The following ANKRD11 variants were observed in gnomAD, a reference collection of about 807,000 sequenced individuals.
ANKRD11 encodes ankyrin repeat domain 11.
ANKRD11 carries 17 observed loss-of-function variants against 195.7 expected under a neutral mutation model. The ratio of observed to expected loss-of-function variants is 0.09; its 90% confidence interval spans 0.06 to 0.13. The LOEUF (loss-of-function observed/expected upper bound fraction) is 0.13. Among genes scored for constraint, ANKRD11 ranks in the 10% least tolerant of loss-of-function variants. The probability of loss-of-function intolerance (pLI) is 1.00; values close to 1 mark genes in which losing one functional copy is unlikely to be tolerated. For missense variants in ANKRD11, 3,735 were observed against 3,566.1 expected (o/e 1.05, Z -1.21); for synonymous variants, 1,953 against 1,528.1 (o/e 1.28, Z -6.49).
chr16:89,369,196 T>A (rs558191241), intron 2 of ANKRD11, among the ~76,000 whole-genome samples: 1 of 152,104 alleles, frequency 6.6e-6, no homozygotes, highest in African/African-American at 2.4e-5. Context: ...AGAGAGAATA[T>A]GAAACAATAA....
chr16:89,404,261 C>T (rs1416380529), intron 2 of ANKRD11, among the ~76,000 whole-genome samples: 2 of 152,130 alleles, frequency 1.3e-5, no homozygotes, highest in Admixed American at 1.3e-4. Flanking sequence ...TCCTATCCAC[C>T]CTCACCAAGG....
intron 1 of ANKRD11, among the ~76,000 whole-genome samples, chr16:89,441,603 T>TGAA (rs2043482624): frequency 6.6e-6 from 1 of 151,246 alleles, no homozygotes; most frequent in Non-Finnish European, 1.5e-5. Context: ...CCACCTCTAC[T>TGAA]AAAAATACAA....
At chr16:89,467,167 C>A (rs2056914326) in intron 1 of ANKRD11, among the ~76,000 whole-genome samples, 1 of 152,044 alleles carries the variant, frequency 6.6e-6, no homozygotes, top group Admixed American at 6.6e-5. Context: ...AGCGGCGGCT[C>A]ATGTCTATAA....
rs574249920 is a variant in ANKRD11 at position 89,407,123 on chromosome 16, A to C, written c.-60+11161T>G. Among the ~76,000 whole-genome samples the C allele has an allele frequency of 5.9e-5, 9 of 151,986 alleles. No homozygotes were observed. In the East Asian group the frequency reaches 1.5e-3, roughly 26 times the overall value. On this transcript the variant is annotated intron_variant, in intron 2 of 12. Coordinates refer to ENST00000301030, the MANE Select transcript of ANKRD11 (RefSeq NM_013275.6). ...AGCCCAGGTACTCGGGAGGCGGAGG[A>C]GGCGGTGAGTTGAGACGTGCCACTG... is the stretch of plus-strand genomic sequence containing the variant.
intron 9 of ANKRD11, 79 bp from the exon 10 acceptor site, chr16:89,275,270 G>T (rs2033554078): frequency 4.6e-6 from 6 of 1,295,116 alleles, no homozygotes; most frequent in Non-Finnish European, 6.4e-6. Flanking sequence ...GTTCACGGGG[G>T]TCCCGACTCA....
At chr16:89,424,004 C>A (rs765182085) in intron 1 of ANKRD11, among the ~76,000 whole-genome samples, 6 of 151,904 alleles carry the variant, frequency 3.9e-5, no homozygotes, top group Non-Finnish European at 8.8e-5. Context: ...TAATGAAACT[C>A]AGGCGACCTC....
chr16:89,271,356 G>A (rs529925750), intron 11 of ANKRD11: 22 of 277,276 alleles, frequency 7.9e-5, no homozygotes, highest in Non-Finnish European at 1.4e-4. Context: ...TCCTGCTTCA[G>A]CCTTCCTGAG....
intron 1 of ANKRD11, among the ~76,000 whole-genome samples, chr16:89,455,635 G>T (rs1409640583): frequency 6.6e-6 from 1 of 152,016 alleles, no homozygotes; most frequent in Non-Finnish European, 1.5e-5. Context: ...AAAGCTGCTC[G>T]ATTTGGGCAG....
intron 1 of ANKRD11, among the ~76,000 whole-genome samples, chr16:89,469,625 G>A (rs544641486): frequency 2.4e-4 from 37 of 151,798 alleles, no homozygotes; most frequent in Admixed American, 2.0e-3. Flanking sequence ...TAGGCCAGGC[G>A]CGGTGGCTCA....
rs79440097 is a variant in ANKRD11, at chr16:89,319,645, C to T, written c.-59-2567G>A. Among the ~76,000 whole-genome samples, 3 of 152,354 alleles carry T rather than the reference C, an allele frequency of 2.0e-5. No individual in the cohort carries two copies. The East Asian group carries it at 5.8e-4, about 29-fold the overall frequency. ...CCCCGCCTCTCCATGAACCACCACC[C>T]TCATCACAGTCATGGAGATGGTGAC... On this transcript the variant is annotated intron_variant, in intron 2 of 12. Coordinates refer to ENST00000301030, the MANE Select transcript of ANKRD11 (RefSeq NM_013275.6).
chr16:89,318,439 T>C (rs1001520539), intron 2 of ANKRD11, among the ~76,000 whole-genome samples: 1 of 152,250 alleles, frequency 6.6e-6, no homozygotes, highest in Non-Finnish European at 1.5e-5. Context: ...CTCTGCCCTT[T>C]CCGCCACAGC....
chr16:89,285,894 G>T lies in ANKRD11; in HGVS notation c.892+145C>A. 7.7e-7 allele frequency: 1 copy of T among 1,294,968 alleles called. No homozygotes were observed. Among genetic ancestry groups the T allele is most frequent in the Non-Finnish European group, 1.1e-6 (1 of 915,060 alleles). The allele number at this position is 1,294,968 out of a possible 1,614,324, so 80.2% of individuals were successfully genotyped here. A position where few individuals can be genotyped will look rare whatever the true frequency, so the allele number is the denominator to read the frequency against. On this transcript the variant is annotated intron_variant, in intron 8 of 12. Coordinates refer to ENST00000301030, the MANE Select transcript of ANKRD11 (RefSeq NM_013275.6). The surrounding 1 kb of genome is among the most constrained non-coding windows in gnomAD (Gnocchi z 5.6). ...CTTCTCGGCAGTGACACACCTGGGC[G>T]GGGTCTCCCGCAGTCCAGAAGCTCC...
intron 7 of ANKRD11, chr16:89,286,923 CTA>C: frequency 7.8e-7 from 1 of 1,289,690 alleles, no homozygotes; most frequent in Non-Finnish European, 1.0e-6. Flanking sequence ...ATAACGTTTA[CTA>C]TAGACTCTTG....
At chr16:89,363,775 G>C (rs1036903622) in intron 2 of ANKRD11, among the ~76,000 whole-genome samples, 1 of 152,134 alleles carries the variant, frequency 6.6e-6, no homozygotes, top group African/African-American at 2.4e-5. Flanking sequence ...TGGAGTGCTA[G>C]CCCTATGCGG....
intron 1 of ANKRD11, chr16:89,418,621 T>C (rs935636019): frequency 6.1e-5 from 11 of 179,938 alleles, no homozygotes; most frequent in Non-Finnish European, 1.1e-4. Context: ...AAAGAGTAGA[T>C]GACACTGATA....
chr16:89,280,292 C>A lies in ANKRD11; in HGVS notation c.6250G>T (p.Ala2084Ser). ...ACCTGAGCCACAGCGGCTACACAGGCGGGCTCGGGGGCCACGTCCAGCGGG... is the reference window on the plus strand; with the variant it reads ...ACCTGAGCCACAGCGGCTACACAGGAGGGCTCGGGGGCCACGTCCAGCGGG... ...EAPLDVAPEP[A>S]CVAAVAQVEA... Residue 2084 changes from alanine to serine, a missense_variant, in exon 9 of 13, where the codon GCC (alanine) becomes TCC (serine). Coordinates refer to ENST00000301030, the MANE Select transcript of ANKRD11 (RefSeq NM_013275.6). The A allele has an allele frequency of 6.2e-7, 1 of 1,602,182 alleles. No individual in the cohort carries two copies. Among genetic ancestry groups the A allele is most frequent in the East Asian group, 2.2e-5 (1 of 44,680 alleles).
In ANKRD11 at chr16:89,387,590, G is replaced by A. The variant is rs549375891; in HGVS notation, c.-60+30694C>T. Among the ~76,000 whole-genome samples, 12 of 150,454 alleles carry A rather than the reference G, an allele frequency of 8.0e-5. No individual in the cohort carries two copies. The South Asian group carries it at 2.5e-3, about 32-fold the overall frequency. On this transcript the variant is annotated intron_variant, in intron 2 of 12. Transcript: ENST00000301030. The stretch of plus-strand genomic sequence containing the variant: ...CGGGAGACTGAGGCAGGAGAATGGC[G>A]GGAACCCGGGAGGCAGAGCTTGCAG...
At chr16:89,375,326 G>T (rs2040374951) in intron 2 of ANKRD11, among the ~76,000 whole-genome samples, 1 of 152,174 alleles carries the variant, frequency 6.6e-6, no homozygotes, top group Non-Finnish European at 1.5e-5. Context: ...CGGTAGCATG[G>T]GCCTGGAGTC....
chr16:89,343,171 A>G (rs956998917), intron 2 of ANKRD11, among the ~76,000 whole-genome samples: 6 of 152,064 alleles, frequency 3.9e-5, no homozygotes, highest in Non-Finnish European at 8.8e-5. Flanking sequence ...TTGTATTTTT[A>G]GTGGAGACGG....
Sources: allele counts gnomAD v4.1 joint callset (sites outside exome capture counted in the v4.1 genomes callset), GRCh38; gene constraint gnomAD v4.1.1; non-coding constraint Gnocchi (gnomAD v3.1); transcripts MANE v1.5; gene names NCBI Gene and HGNC (gene_info 2026-07-23, HGNC 2026-07-21).